ST8SIA1: variants seen among roughly 807,000 people sequenced by gnomAD.
ST8SIA1 encodes the protein alpha-N-acetylneuraminide alpha-2,8-sialyltransferase.
In ST8SIA1, 16 loss-of-function variants were observed where a neutral mutation model predicts 35.9. The ratio of observed to expected loss-of-function variants is 0.45; its 90% CI spans 0.30 to 0.68. The LOEUF is 0.68. Among genes scored for constraint, ST8SIA1 ranks in the 30% least tolerant of loss-of-function variants. The pLI, the probability that ST8SIA1 is intolerant of heterozygous loss-of-function variation, is 0.09. For missense variants in ST8SIA1, 383 were observed against 453.6 expected, an observed-to-expected ratio of 0.84 and a Z score of 1.41; for synonymous variants, 170 against 169.6, an observed-to-expected ratio of 1.00 and a Z score of -0.02.
intron 1 of ST8SIA1, among the ~76,000 whole-genome samples, chr12:22,322,636 A>C (rs1866616112): frequency 6.6e-6 from 1 of 152,212 alleles, no homozygotes; most frequent in South Asian, 2.1e-4. Context: ...CAAAGCACCA[A>C]AGCAACAGTA....
intron 4 of ST8SIA1, among the ~76,000 whole-genome samples, chr12:22,222,344 G>A (rs1865309262): frequency 6.6e-6 from 1 of 152,008 alleles, no homozygotes; most frequent in Non-Finnish European, 1.5e-5. Context: ...GCCTCACGAG[G>A]GAAAAACTGT....
In ST8SIA1 at chr12:22,320,987, GA is replaced by G. The variant is rs748896720; in HGVS notation, c.236+13009del. Among the ~76,000 whole-genome samples the G allele has an allele frequency of 2.7e-3, 325 of 119,076 alleles. 2 individuals carry two copies. The highest frequency in any genetic ancestry group is 8.5e-3 in the East Asian group (33 of 3,876). The allele number at this position is 119,076 out of a possible 152,430, so 78.1% of individuals were successfully genotyped here. Reference sequence around the variant, plus strand: ...AGAAAGAAAGAAAGAAAGAAAGAAAGAAAGAAAGAAAGAAAGAAGAAAGAAA... The same window carrying G: ...AGAAAGAAAGAAAGAAAGAAAGAAAGAAGAAAGAAAGAAAGAAGAAAGAAA... On this transcript the variant is annotated intron_variant, in intron 1 of 4. Transcript: ENST00000396037.
chr12:22,213,723 C>T (rs1865201663), intron 4 of ST8SIA1, among the ~76,000 whole-genome samples: 1 of 152,072 alleles, frequency 6.6e-6, no homozygotes, highest in Non-Finnish European at 1.5e-5. Context: ...AGGATCTATT[C>T]CACTCAAGGT....
rs150649612 is a variant in ST8SIA1 at position 22,196,381 on chromosome 12, C to T, written c.*5171G>A. On this transcript the variant is annotated 3_prime_UTR_variant, in exon 5 of 5. Transcript: ENST00000396037. Reference sequence around the variant, plus strand: ...CATTCATGCACTTGTTTCAATCTCTCACCCCTAAGATGTATGTAAAAAATT... The same window carrying T: ...CATTCATGCACTTGTTTCAATCTCTTACCCCTAAGATGTATGTAAAAAATT... 6.6e-6 allele frequency: 1 copy of T among 152,256 alleles called. No homozygotes were observed. Among genetic ancestry groups the T allele is most frequent in the Non-Finnish European group, 1.5e-5 (1 of 68,026 alleles). The allele number at this position is 152,256 out of a possible 1,614,324, so 9.4% of individuals were successfully genotyped here.
chr12:22,225,235 G>A (rs1228960493), intron 4 of ST8SIA1, among the ~76,000 whole-genome samples: 1 of 152,170 alleles, frequency 6.6e-6, no homozygotes, highest in African/African-American at 2.4e-5. Context: ...ATTTGTGGTA[G>A]CAGCCCTAAG....
At chr12:22,277,635 G>A (rs138290434) in intron 2 of ST8SIA1, among the ~76,000 whole-genome samples, 63 of 152,160 alleles carry the variant, frequency 4.1e-4, no homozygotes, top group Admixed American at 9.2e-4. Context: ...CTAAAGTGCT[G>A]GGATTACAGG....
At chr12:22,207,168 G>A (rs1181088040) in intron 4 of ST8SIA1, among the ~76,000 whole-genome samples, 1 of 152,210 alleles carries the variant, frequency 6.6e-6, no homozygotes, top group African/African-American at 2.4e-5. Context: ...GGATTCCAGA[G>A]ATGGATTCGC....
chr12:22,284,530 T>G (rs1462111457), intron 2 of ST8SIA1, among the ~76,000 whole-genome samples: 1 of 152,208 alleles, frequency 6.6e-6, no homozygotes, highest in Non-Finnish European at 1.5e-5. Context: ...TTTTTTCCAG[T>G]GATGCAAACT....
At chr12:22,286,450 G>T (rs535485017) in intron 2 of ST8SIA1, 5 of 518,900 alleles carry the variant, frequency 9.6e-6, no homozygotes, top group African/African-American at 9.6e-5. Flanking sequence ...ATGTCTTGGG[G>T]AGGCCATGAT....
chr12:22,314,752 G>A (rs1012705374), intron 1 of ST8SIA1, among the ~76,000 whole-genome samples: 1 of 152,066 alleles, frequency 6.6e-6, no homozygotes, highest in Non-Finnish European at 1.5e-5. Flanking sequence ...CTGGGCTCTC[G>A]GCATGACTGT....
At chr12:22,269,769 G>T (rs1023133127) in intron 2 of ST8SIA1, among the ~76,000 whole-genome samples, 2 of 152,150 alleles carry the variant, frequency 1.3e-5, no homozygotes, top group African/African-American at 4.8e-5. Context: ...CATAAAAGGA[G>T]TCTTGAAGAG....
chr12:22,249,280 G>T (rs1366184093), intron 3 of ST8SIA1, among the ~76,000 whole-genome samples, 182 bp from the exon 4 acceptor site: 1 of 145,660 alleles, frequency 6.9e-6, no homozygotes, highest in Non-Finnish European at 1.5e-5. Context: ...GTACAGTGGT[G>T]TGATCTCCGC....
At chr12:22,226,834 T>A (rs1456532801) in intron 4 of ST8SIA1, among the ~76,000 whole-genome samples, 1 of 152,210 alleles carries the variant, frequency 6.6e-6, no homozygotes, top group Non-Finnish European at 1.5e-5. Flanking sequence ...GTGCACCTAA[T>A]GGGTCAATTC....
At chr12:22,225,344 CTAAT>C (rs1483075068) in intron 4 of ST8SIA1, among the ~76,000 whole-genome samples, 2 of 151,940 alleles carry the variant, frequency 1.3e-5, no homozygotes, top group African/African-American at 4.8e-5. Context: ...GGTCCAGATC[CTAAT>C]TATTAGGATC....
intron 1 of ST8SIA1, among the ~76,000 whole-genome samples, chr12:22,294,715 GA>G (rs1866221858): frequency 6.6e-6 from 1 of 152,216 alleles, no homozygotes. Flanking sequence ...AGAGAAAATT[GA>G]AAGAAGGAAC....
At chr12:22,286,981 C>T (rs7132027) in intron 2 of ST8SIA1, among the ~76,000 whole-genome samples, 168 bp downstream of exon 2, 8,081 of 152,276 alleles carry the variant, frequency 0.053, 345 homozygotes, top group South Asian at 0.17. Flanking sequence ...CATCAAAACA[C>T]TGTGATTTAT....
intron 1 of ST8SIA1, chr12:22,325,246 A>T: frequency 1.8e-6 from 1 of 553,674 alleles, no homozygotes; most frequent in Non-Finnish European, 3.2e-6. Flanking sequence ...ATGGAAACAA[A>T]CTAAAGATTT....
chr12:22,211,749 T>C (rs1408814176), intron 4 of ST8SIA1, among the ~76,000 whole-genome samples: 1 of 152,208 alleles, frequency 6.6e-6, no homozygotes, highest in African/African-American at 2.4e-5. Context: ...GCTCACTCTG[T>C]CGCCCAGACT....
At chr12:22,262,634 A>G (rs563436964) in intron 2 of ST8SIA1, among the ~76,000 whole-genome samples, 12 of 152,328 alleles carry the variant, frequency 7.9e-5, no homozygotes, top group Admixed American at 3.9e-4. Context: ...CAGGGCAAAA[A>G]GTAGGAAGTG....
Sources: gnomAD v4.1 joint callset for allele counts (sites outside exome capture counted in the v4.1 genomes callset) on GRCh38, gnomAD v4.1.1 for gene constraint, MANE v1.5 for transcripts, NCBI Gene and HGNC (gene_info 2026-07-23, HGNC 2026-07-21) for gene names.